The following IPO11 variants were observed in gnomAD, a reference collection of about 807,000 sequenced individuals.
The protein encoded by IPO11 is importin-11.
IPO11 carries 66 observed loss-of-function variants against 143.2 expected under a neutral mutation model. That is an observed-to-expected ratio of 0.46 (90% CI 0.38 to 0.57). IPO11 has a LOEUF of 0.57. IPO11 is among the 20% of genes least tolerant of loss of function. The pLI is 0.00. For synonymous variants in IPO11, 385 were observed against 377.8 expected (o/e 1.02, Z -0.22); for missense variants, 1,026 against 1,141.0 (o/e 0.90, Z 1.45).
At chr5:62,417,825 G>A (rs754886717) in intron 1 of IPO11, among the ~76,000 whole-genome samples, 13 of 152,168 alleles carry the variant, frequency 8.5e-5, no homozygotes, top group Non-Finnish European at 1.6e-4. Flanking sequence ...AAAACGTTGT[G>A]TATTTCAACC....
At chr5:62,513,554 C>A (rs1416381501) in intron 19 of IPO11, among the ~76,000 whole-genome samples, 2 of 145,590 alleles carry the variant, frequency 1.4e-5, no homozygotes, top group Non-Finnish European at 3.1e-5. Flanking sequence ...AGCCCCCCAC[C>A]TCCCTCCCGG....
chr5:62,463,778 T>G (rs1745461609), intron 5 of IPO11, among the ~76,000 whole-genome samples: 1 of 152,012 alleles, frequency 6.6e-6, no homozygotes. Context: ...CATTAGAGCA[T>G]AGAAGATAAT....
At chr5:62,586,550 G>A (rs937864673) in intron 27 of IPO11, among the ~76,000 whole-genome samples, 4 of 151,430 alleles carry the variant, frequency 2.6e-5, no homozygotes, top group African/African-American at 4.9e-5. Flanking sequence ...TCGGGAGTTC[G>A]AGACCAGCCT....
At chr5:62,417,270 G>C (rs1743327776) in intron 1 of IPO11, among the ~76,000 whole-genome samples, 1 of 125,688 alleles carries the variant, frequency 8.0e-6, no homozygotes, top group Non-Finnish European at 1.7e-5. Context: ...TTTCCTTTAA[G>C]TTTCTTGAAA....
chr5:62,490,898 G>T (rs961260509), intron 15 of IPO11, among the ~76,000 whole-genome samples: 5 of 152,240 alleles, frequency 3.3e-5, no homozygotes, highest in African/African-American at 4.8e-5. Flanking sequence ...AGGGATTACA[G>T]GCGCATGCCA....
intron 3 of IPO11, among the ~76,000 whole-genome samples, chr5:62,445,559 A>G (rs528429084): frequency 3.9e-5 from 6 of 152,246 alleles, no homozygotes; most frequent in African/African-American, 1.4e-4. Flanking sequence ...CTGTACTTCA[A>G]GTGCCCATAC....
intron 25 of IPO11, among the ~76,000 whole-genome samples, chr5:62,550,875 T>C (rs910595367): frequency 2.0e-5 from 3 of 150,706 alleles, no homozygotes; most frequent in Non-Finnish European, 4.4e-5. Context: ...TAAAGTAATA[T>C]AGTACCAGGA....
chr5:62,444,529 G>A (rs1477282407), intron 3 of IPO11, among the ~76,000 whole-genome samples: 1 of 151,958 alleles, frequency 6.6e-6, no homozygotes, highest in Non-Finnish European at 1.5e-5. Flanking sequence ...TGAATTTTAC[G>A]TGTCTGCTAA....
At chr5:62,601,723 A>T in intron 28 of IPO11, 41 bp from the exon 29 acceptor site, 1 of 1,083,040 alleles carries the variant, frequency 9.2e-7, no homozygotes, top group Non-Finnish European at 1.3e-6. Flanking sequence ...TGTATTATAG[A>T]CATTTTTATT....
At chr5:62,581,247 TAAAC>T in intron 27 of IPO11, 1 of 1,539,330 alleles carries the variant, frequency 6.5e-7, no homozygotes, top group Non-Finnish European at 8.7e-7. Context: ...TTCGACTTCA[TAAAC>T]AAATTGTTCC....
intron 27 of IPO11, chr5:62,581,138 T>TTTA: frequency 6.4e-7 from 1 of 1,550,722 alleles, no homozygotes. Context: ...GAAAATAGAC[T>TTTA]TGAATACTAC....
chr5:62,549,576 CCT>C (rs1468331414), intron 24 of IPO11, among the ~76,000 whole-genome samples: 5 of 152,186 alleles, frequency 3.3e-5, no homozygotes, highest in Non-Finnish European at 2.9e-5. Flanking sequence ...TGCCCATAAC[CCT>C]CTCAGATGGT....
chr5:62,605,321 T>C (rs955671976), intron 29 of IPO11, among the ~76,000 whole-genome samples: 2 of 152,188 alleles, frequency 1.3e-5, no homozygotes, highest in African/African-American at 4.8e-5. Context: ...TGCCAAATAA[T>C]TTTCCATACG....
At chr5:62,519,035 A>G (rs144027789) in intron 20 of IPO11, among the ~76,000 whole-genome samples, 151 of 152,252 alleles carry the variant, frequency 9.9e-4, no homozygotes, top group African/African-American at 3.5e-3. Context: ...CCTGTGTCAC[A>G]TGGAGGGTGA....
chr5:62,479,471 T>G (rs982486567), intron 9 of IPO11, among the ~76,000 whole-genome samples: 1 of 152,208 alleles, frequency 6.6e-6, no homozygotes, highest in East Asian at 1.9e-4. Context: ...GATGGCTGGG[T>G]CAAATGGTAT....
At chr5:62,478,970 G>A (rs1258512219) in intron 9 of IPO11, among the ~76,000 whole-genome samples, 1 of 152,130 alleles carries the variant, frequency 6.6e-6, no homozygotes, top group Non-Finnish European at 1.5e-5. Context: ...AAGTTCTAGG[G>A]TACATGTGCA....
At chr5:62,502,370 T>C (rs1741374781) in intron 16 of IPO11, among the ~76,000 whole-genome samples, 1 of 152,242 alleles carries the variant, frequency 6.6e-6, no homozygotes. Flanking sequence ...CCCCCATTGC[T>C]TGAGTTGCTG....
chr5:62,573,178 C>T (rs767533532), intron 27 of IPO11, among the ~76,000 whole-genome samples: 16 of 152,056 alleles, frequency 1.1e-4, no homozygotes, highest in Admixed American at 2.6e-4. Context: ...CCACCACGCC[C>T]GGCTACTTTA....
At chr5:62,442,606 C>G (rs569177197) in intron 2 of IPO11, among the ~76,000 whole-genome samples, 4 of 152,208 alleles carry the variant, frequency 2.6e-5, no homozygotes, top group African/African-American at 9.6e-5. Flanking sequence ...TGCCTGTAAT[C>G]CCAGCACTTT....
Sources: gnomAD v4.1 joint callset for allele counts (sites outside exome capture counted in the v4.1 genomes callset) on GRCh38, gnomAD v4.1.1 for gene constraint, MANE v1.5 for transcripts, NCBI Gene and HGNC (gene_info 2026-07-23, HGNC 2026-07-21) for gene names.